HS3ST4: variants seen among roughly 807,000 people sequenced by gnomAD.
The protein encoded by HS3ST4 is heparan sulfate-glucosamine 3-sulfotransferase 4.
HS3ST4 carries 17 observed loss-of-function variants against 29.2 expected under a neutral mutation model. That is an observed-to-expected ratio of 0.58 (90% CI 0.40 to 0.87). The LOEUF is 0.87. Ranked by LOEUF, HS3ST4 falls within the 40% of genes least tolerant of loss-of-function variation. The pLI, the probability that HS3ST4 is intolerant of heterozygous loss-of-function variation, is 0.00. For synonymous variants in HS3ST4, 314 were observed against 285.7 expected (o/e 1.10, Z -1.00); for missense variants, 627 against 634.5 (o/e 0.99, Z 0.13).
At chr16:25,942,156 T>C in intron 1 of HS3ST4, among the ~76,000 whole-genome samples, 1 of 152,116 alleles carries the variant, frequency 6.6e-6, no homozygotes, top group East Asian at 1.9e-4. Context: ...CCTGTACCAA[T>C]TGATGGATTT....
intron 1 of HS3ST4, among the ~76,000 whole-genome samples, chr16:25,764,577 C>A (rs961356306): frequency 1.3e-5 from 2 of 152,228 alleles, no homozygotes; most frequent in African/African-American, 4.8e-5. Flanking sequence ...TTGAAAATAT[C>A]ATAGTTGCTT....
chr16:25,865,353 G>T (rs1004203567), intron 1 of HS3ST4, among the ~76,000 whole-genome samples: 2 of 152,128 alleles, frequency 1.3e-5, no homozygotes, highest in African/African-American at 4.8e-5. Context: ...ACTCTGACAG[G>T]TGTGAGGTGG....
chr16:25,880,917 T>G (rs1472874976), intron 1 of HS3ST4, among the ~76,000 whole-genome samples: 1 of 152,184 alleles, frequency 6.6e-6, no homozygotes, highest in Non-Finnish European at 1.5e-5. Context: ...GAGGATGTAT[T>G]TGACAGGTGG....
rs142756019 is a variant in HS3ST4 at position 25,865,157 on chromosome 16, T to C, written c.734+172006T>C. ...ACAGATTTCATTTCCTTTGGATATATGCCCAGAAGTGAGATTGCTGGATCA... is the reference window on the plus strand; with the variant it reads ...ACAGATTTCATTTCCTTTGGATATACGCCCAGAAGTGAGATTGCTGGATCA... On this transcript the variant is annotated intron_variant, in intron 1 of 1. Coordinates refer to ENST00000331351, the MANE Select transcript of HS3ST4 (RefSeq NM_006040.3). Among the ~76,000 whole-genome samples, 844 of 152,332 alleles carry C rather than the reference T, an allele frequency of 5.5e-3. 11 individuals carry two copies. Among genetic ancestry groups the C allele is most frequent in the African/African-American group, 0.02 (817 of 41,584 alleles).
At chr16:26,115,295 A>C (rs1899187900) in intron 1 of HS3ST4, among the ~76,000 whole-genome samples, 1 of 151,796 alleles carries the variant, frequency 6.6e-6, no homozygotes, top group African/African-American at 2.4e-5. Context: ...ACAAGTATAA[A>C]CGTATATAAA....
At chr16:25,897,787 C>T (rs1475023550) in intron 1 of HS3ST4, among the ~76,000 whole-genome samples, 1 of 152,086 alleles carries the variant, frequency 6.6e-6, no homozygotes, top group Non-Finnish European at 1.5e-5. Flanking sequence ...AAGACTCTGG[C>T]TGATGAGATG....
intron 1 of HS3ST4, among the ~76,000 whole-genome samples, chr16:25,974,147 T>A (rs1374320018): frequency 6.6e-6 from 1 of 152,238 alleles, no homozygotes; most frequent in Non-Finnish European, 1.5e-5. Flanking sequence ...CTTCATAATC[T>A]GCCAGCCTCT....
chr16:25,759,881 C>A (rs1233246932), intron 1 of HS3ST4, among the ~76,000 whole-genome samples: 1 of 151,888 alleles, frequency 6.6e-6, no homozygotes, highest in Non-Finnish European at 1.5e-5. Flanking sequence ...CAAAGCAAGA[C>A]CCTGTCTTAA....
intron 1 of HS3ST4, among the ~76,000 whole-genome samples, chr16:25,788,458 A>C (rs893850008): frequency 8.0e-5 from 12 of 150,692 alleles, no homozygotes; most frequent in African/African-American, 2.9e-4. Flanking sequence ...GTCTCTGTGA[A>C]TAATCTACGT....
intron 1 of HS3ST4, among the ~76,000 whole-genome samples, chr16:25,787,131 C>T (rs1439658654): frequency 1.3e-5 from 2 of 152,120 alleles, no homozygotes; most frequent in East Asian, 1.9e-4. Context: ...TTAGGTAAAG[C>T]CATCTGATTT....
At chr16:25,731,256 A>G (rs1966568352) in intron 1 of HS3ST4, among the ~76,000 whole-genome samples, 1 of 152,226 alleles carries the variant, frequency 6.6e-6, no homozygotes, top group African/African-American at 2.4e-5. Flanking sequence ...TACATGAACA[A>G]AAACAGCTGT....
At chr16:25,992,657 A>G (rs1445598200) in intron 1 of HS3ST4, among the ~76,000 whole-genome samples, 1 of 152,266 alleles carries the variant, frequency 6.6e-6, no homozygotes, top group African/African-American at 2.4e-5. Context: ...GTCTTCTGAC[A>G]GTGCCACCTG....
intron 1 of HS3ST4, among the ~76,000 whole-genome samples, chr16:25,848,882 G>A (rs566073081): frequency 2.6e-5 from 4 of 151,212 alleles, no homozygotes; most frequent in African/African-American, 9.7e-5. Flanking sequence ...TTTATTTTCA[G>A]TCTTCCTTGT....
chr16:25,822,612 G>A (rs1176623017), intron 1 of HS3ST4, among the ~76,000 whole-genome samples: 1 of 152,248 alleles, frequency 6.6e-6, no homozygotes, highest in East Asian at 1.9e-4. Flanking sequence ...CCTCTGCTGA[G>A]GACCACTGGG....
At chr16:26,099,801 GCA>G (rs377128647) in intron 1 of HS3ST4, among the ~76,000 whole-genome samples, 5 of 151,926 alleles carry the variant, frequency 3.3e-5, no homozygotes, top group African/African-American at 7.3e-5. Flanking sequence ...ACATACACAT[GCA>G]CACACACACG....
chr16:26,070,676 T>C (rs954540082), intron 1 of HS3ST4, among the ~76,000 whole-genome samples: 2 of 152,232 alleles, frequency 1.3e-5, no homozygotes, highest in East Asian at 3.8e-4. Context: ...CATGTACTTT[T>C]GCATTGAAAA....
Position 25,692,677 on chromosome 16 carries a change from C to A in HS3ST4, c.260C>A (p.Thr87Asn), listed in dbSNP as rs1425530628. 8.0e-7 allele frequency: 1 copy of A among 1,251,402 alleles called. No homozygotes were observed. The highest frequency in any genetic ancestry group is 1.0e-6 in the Non-Finnish European group (1 of 1,000,354). 77.5% of individuals were successfully genotyped at this position (1,251,402 alleles called of 1,614,324 possible). A position where few individuals can be genotyped will look rare whatever the true frequency, so the allele number is the denominator to read the frequency against. The change falls in exon 1 of 2, where the codon ACC becomes AAC. Residue 87 changes from threonine (T) to asparagine (N), a missense_variant. Transcript: ENST00000331351. ...PSPPPPSLLP[T>N]PVRLGAPSQP... The stretch of plus-strand genomic sequence containing the variant: ...CCGCCGCCACCCTCTCTGCTGCCTA[C>A]CCCCGTGCGCCTCGGCGCCCCCTCG...
At chr16:25,763,238 G>C in intron 1 of HS3ST4, among the ~76,000 whole-genome samples, 1 of 152,154 alleles carries the variant, frequency 6.6e-6, no homozygotes, top group East Asian at 1.9e-4. Flanking sequence ...GGAGAAACTT[G>C]CCTTTGGGGA....
At chr16:26,049,820 C>T (rs1898318461) in intron 1 of HS3ST4, among the ~76,000 whole-genome samples, 1 of 152,122 alleles carries the variant, frequency 6.6e-6, no homozygotes, top group Non-Finnish European at 1.5e-5. Flanking sequence ...AGAAGCAGCT[C>T]ATAGAGCTCA....
Sources: gnomAD v4.1 joint callset for allele counts (sites outside exome capture counted in the v4.1 genomes callset) on GRCh38, gnomAD v4.1.1 for gene constraint, MANE v1.5 for transcripts, NCBI Gene and HGNC (gene_info 2026-07-23, HGNC 2026-07-21) for gene names.